Variants in FGD3 observed in about 807,000 individuals in gnomAD.
FGD3 encodes the protein FYVE, RhoGEF and PH domain containing 3.
FGD3 carries 45 observed loss-of-function variants against 71.8 expected under a neutral mutation model. That is an observed-to-expected ratio of 0.63 (90% CI 0.49 to 0.80). The LOEUF (loss-of-function observed/expected upper bound fraction) is 0.80, where lower values mean the gene tolerates loss of function less well. Among genes scored for constraint, FGD3 ranks in the 30% least tolerant of loss-of-function variants. The pLI is 0.00. For missense variants in FGD3, 844 were observed against 951.5 expected, an observed-to-expected ratio of 0.89 and a Z score of 1.49; for synonymous variants, 378 against 392.8, an observed-to-expected ratio of 0.96 and a Z score of 0.44.
chr9:93,010,396 C>T lies in FGD3; in HGVS notation c.976+12C>T. ...GAAGGATGCGGAGAGTGAGCTGGGG[C>T]CAAGGGCTCCCAGGAGGGTGCAGGG... On this transcript the variant is annotated intron_variant, in intron 7 of 17. Transcript: ENST00000375482. The T allele has an allele frequency of 6.3e-7, 1 of 1,599,338 alleles. No individual in the cohort carries two copies. The highest frequency in any genetic ancestry group is 1.7e-4 in the Middle Eastern group (1 of 5,984).
chr9:93,026,091 G>A (rs1862103242), intron 14 of FGD3, among the ~76,000 whole-genome samples: 1 of 152,234 alleles, frequency 6.6e-6, no homozygotes, highest in Non-Finnish European at 1.5e-5. Context: ...CCAATTCTGT[G>A]TAACTCAGCT....
At position 93,022,648 on chromosome 9, in the gene FGD3, G is replaced by C. The variant is rs563979352; in HGVS notation, c.1557+259G>C. ...AAGGTGGGCACGCAGAGGCCTGTCAGTGTGGGGATGTCCATTACCTGGTTG... is the reference window on the plus strand; with the variant it reads ...AAGGTGGGCACGCAGAGGCCTGTCACTGTGGGGATGTCCATTACCTGGTTG... On this transcript the variant is annotated intron_variant, in intron 14 of 17. Coordinates refer to ENST00000375482, the MANE Select transcript of FGD3 (RefSeq NM_001083536.2). 2.6e-5 allele frequency among the ~76,000 whole-genome samples: 4 copies of C among 152,294 alleles called. No homozygotes were observed. In the South Asian group the frequency reaches 8.3e-4, roughly 32 times the overall value.
chr9:93,028,065 C>T (rs368974624), intron 14 of FGD3, among the ~76,000 whole-genome samples: 4 of 151,840 alleles, frequency 2.6e-5, no homozygotes, highest in African/African-American at 7.3e-5. Flanking sequence ...TTTTTTTAAG[C>T]GTATGTTGTT....
chr9:93,015,256 G>A (rs1312213360), intron 9 of FGD3, among the ~76,000 whole-genome samples: 1 of 152,074 alleles, frequency 6.6e-6, no homozygotes, highest in Non-Finnish European at 1.5e-5. Context: ...AGGACTTTGA[G>A]ACCAGCCTGG....
chr9:92,952,527 G>A (rs934684903), intron 1 of FGD3, among the ~76,000 whole-genome samples: 15 of 151,958 alleles, frequency 9.9e-5, no homozygotes, highest in Admixed American at 3.9e-4. Context: ...GTGAGCCACC[G>A]CGCCCGGCCC....
intron 14 of FGD3, among the ~76,000 whole-genome samples, chr9:93,027,908 G>A (rs999705257): frequency 2.6e-5 from 4 of 151,258 alleles, no homozygotes; most frequent in African/African-American, 9.7e-5. Context: ...TTGTTGAGAC[G>A]GGGTCTCACT....
chr9:93,008,551 T>C (rs1168466438), intron 6 of FGD3, among the ~76,000 whole-genome samples: 11 of 152,224 alleles, frequency 7.2e-5, no homozygotes. Flanking sequence ...AGTGAGGCTG[T>C]GCTCTTCTCC....
chr9:92,949,421 C>T (rs972900813), intron 1 of FGD3, among the ~76,000 whole-genome samples: 2 of 152,180 alleles, frequency 1.3e-5, no homozygotes, highest in Non-Finnish European at 2.9e-5. Context: ...AGCGGGGCGT[C>T]CGTCCACTCT....
At chr9:92,961,848 A>G (rs1194684225) in intron 1 of FGD3, among the ~76,000 whole-genome samples, 5 of 152,180 alleles carry the variant, frequency 3.3e-5, no homozygotes, top group Non-Finnish European at 5.9e-5. Context: ...GAGCATCCTC[A>G]TAACATGGCA....
intron 14 of FGD3, among the ~76,000 whole-genome samples, chr9:93,028,737 G>A (rs931020474): frequency 6.6e-6 from 1 of 152,216 alleles, no homozygotes; most frequent in African/African-American, 2.4e-5. Context: ...TTACAGGTGA[G>A]GAAACTGAGG....
chr9:93,011,181 G>A, intron 7 of FGD3, 33 bp from the exon 8 acceptor site: 1 of 1,613,310 alleles, frequency 6.2e-7, no homozygotes, highest in Non-Finnish European at 8.5e-7. Flanking sequence ...GAGCCACCGT[G>A]GCCCCAGGCT....
At chr9:93,016,678 C>T (rs1319202359) in intron 10 of FGD3, among the ~76,000 whole-genome samples, 1 of 149,948 alleles carries the variant, frequency 6.7e-6, no homozygotes, top group African/African-American at 2.5e-5. Flanking sequence ...ACCTGGAGTG[C>T]AATGGTGTGA....
intron 14 of FGD3, among the ~76,000 whole-genome samples, chr9:93,029,455 G>A (rs377439087): frequency 2.0e-5 from 3 of 152,322 alleles, no homozygotes; most frequent in East Asian, 3.9e-4. Context: ...TATAGAGCAG[G>A]CGCATGGCCA....
Position 93,034,690 on chromosome 9 carries a change from C to G in FGD3, c.1926+9C>G, listed in dbSNP as rs908433615. 3 of 1,610,364 alleles carry G rather than the reference C, an allele frequency of 1.9e-6. No homozygotes were observed. Among genetic ancestry groups the G allele is most frequent in the Admixed American group, 1.7e-5 (1 of 59,636 alleles). On this transcript the variant is annotated intron_variant, in intron 17 of 17. Transcript: ENST00000375482. ...TGCAGGGAGGCAGCCAGGTACGTGT[C>G]CCCACCCCACCAGGCCCTCAGGCCA...
intron 14 of FGD3, among the ~76,000 whole-genome samples, chr9:93,026,971 AGAG>A (rs1862138170): frequency 6.6e-6 from 1 of 152,198 alleles, no homozygotes; most frequent in Non-Finnish European, 1.5e-5. Flanking sequence ...CACCTGGAGA[AGAG>A]GTTTTTGCCG....
rs564373767 is a variant in FGD3 at position 92,985,737 on chromosome 9, CAA to C, written c.453+9030_453+9031del. Among the ~76,000 whole-genome samples, 24 of 152,266 alleles carry C rather than the reference CAA, an allele frequency of 1.6e-4. No individual in the cohort carries two copies. The East Asian group carries it at 4.6e-3, about 29-fold the overall frequency. On this transcript the variant is annotated intron_variant, in intron 3 of 17. Transcript: ENST00000375482. Reference sequence around the variant, plus strand: ...AGGTGATCCACCCACCTCAACCTCCCAAAGTGCTAGGATTACAAGCATGAACC... The same window carrying C: ...AGGTGATCCACCCACCTCAACCTCCCAGTGCTAGGATTACAAGCATGAACC...
chr9:93,007,824 C>G (rs927512898), intron 6 of FGD3, among the ~76,000 whole-genome samples: 10 of 152,202 alleles, frequency 6.6e-5, no homozygotes, highest in African/African-American at 2.4e-4. Flanking sequence ...CATATCTTCA[C>G]ACATTGGGTG....
intron 10 of FGD3, among the ~76,000 whole-genome samples, chr9:93,016,538 A>G (rs2118776506): frequency 6.6e-6 from 1 of 151,410 alleles, no homozygotes; most frequent in East Asian, 1.9e-4. Context: ...GGGTTTTGCC[A>G]TGTTTGCCAG....
At chr9:93,004,281 C>A in intron 5 of FGD3, 144 bp downstream of exon 5, 2 of 1,020,652 alleles carry the variant, frequency 2.0e-6, no homozygotes, top group Non-Finnish European at 2.8e-6. Context: ...GGGTCCGATC[C>A]AGACTCCACC....
Sources: gnomAD v4.1 joint callset for allele counts (sites outside exome capture counted in the v4.1 genomes callset) on GRCh38, gnomAD v4.1.1 for gene constraint, MANE v1.5 for transcripts, NCBI Gene and HGNC (gene_info 2026-07-23, HGNC 2026-07-21) for gene names.